The following GRM7 variants were observed in gnomAD, a reference collection of about 807,000 sequenced individuals.
GRM7 encodes glutamate metabotropic receptor 7.
A neutral mutation model predicts 84.5 loss-of-function variants in GRM7; 35 were observed. The observed-to-expected ratio is 0.41, with a 90% CI of 0.32 to 0.55. The LOEUF (loss-of-function observed/expected upper bound fraction) is 0.55. Ranked by LOEUF, GRM7 falls within the 20% of genes least tolerant of loss-of-function variation. The probability of loss-of-function intolerance (pLI) is 0.19; values close to 1 mark genes in which losing one functional copy is unlikely to be tolerated. For synonymous variants in GRM7, 487 were observed against 455.1 expected (o/e 1.07, Z -0.89); for missense variants, 1,003 against 1,194.6 (o/e 0.84, Z 2.36).
intron 2 of GRM7, among the ~76,000 whole-genome samples, chr3:7,225,319 T>C (rs79862251): frequency 0.018 from 2,699 of 150,292 alleles, 90 homozygotes; most frequent in East Asian, 0.11. Context: ...CTCAGCAGCA[T>C]TGGGTTATAA....
intron 1 of GRM7, among the ~76,000 whole-genome samples, chr3:7,139,473 A>G (rs1693875905): frequency 6.6e-6 from 1 of 152,122 alleles, no homozygotes; most frequent in East Asian, 1.9e-4. Flanking sequence ...GATTTAAAAA[A>G]TGCCTAGGGG....
At chr3:7,605,060 T>C (rs1351244236) in intron 8 of GRM7, among the ~76,000 whole-genome samples, 2 of 152,190 alleles carry the variant, frequency 1.3e-5, no homozygotes, top group Non-Finnish European at 2.9e-5. Context: ...ACTGGACTTT[T>C]GGGTAGCAAT....
intron 8 of GRM7, among the ~76,000 whole-genome samples, chr3:7,597,507 C>T (rs752020876): frequency 9.8e-5 from 15 of 152,292 alleles, no homozygotes; most frequent in Non-Finnish European, 1.9e-4. Flanking sequence ...AGTTTGCTGA[C>T]CCCTGCAGTC....
At chr3:7,140,473 G>A (rs1693911836) in intron 1 of GRM7, among the ~76,000 whole-genome samples, 1 of 152,022 alleles carries the variant, frequency 6.6e-6, no homozygotes, top group African/African-American at 2.4e-5. Flanking sequence ...TGTGCTTAAA[G>A]TGAATTCCAG....
intron 7 of GRM7, among the ~76,000 whole-genome samples, chr3:7,505,793 C>A (rs1490059192): frequency 2.0e-5 from 3 of 152,194 alleles, no homozygotes; most frequent in Non-Finnish European, 4.4e-5. Context: ...AACCATTCTG[C>A]CTTCTTGGAG....
At position 7,446,521 on chromosome 3, in the gene GRM7, C is replaced by T. The variant is rs554001875; in HGVS notation, c.1175-6086C>T. Among the ~76,000 whole-genome samples the T allele has an allele frequency of 3.6e-5, 5 of 139,966 alleles. No individual in the cohort carries two copies. In the East Asian group the frequency reaches 6.4e-4, roughly 18 times the overall value. The allele number at this position is 139,966 out of a possible 152,430, so 91.8% of individuals were successfully genotyped here. ...TGTAGCCCAGGCTGAAGTGTAGTGG[C>T]GCGATCTCAGCTCACTGCAGCCTCT... On this transcript the variant is annotated intron_variant, in intron 5 of 9. Coordinates refer to ENST00000357716, the MANE Select transcript of GRM7 (RefSeq NM_000844.4).
chr3:7,168,001 A>G (rs1334968155), intron 2 of GRM7, among the ~76,000 whole-genome samples: 1 of 148,266 alleles, frequency 6.7e-6, no homozygotes, highest in Non-Finnish European at 1.5e-5. Flanking sequence ...AAAAAAAAAA[A>G]AAAAAAAAAT....
At chr3:7,728,857 C>T (rs1344961043) in intron 9 of GRM7, among the ~76,000 whole-genome samples, 1 of 152,190 alleles carries the variant, frequency 6.6e-6, no homozygotes, top group African/African-American at 2.4e-5. Flanking sequence ...TCTCTATTTG[C>T]TTGTTCGTTT....
chr3:7,159,327 C>G (rs1014414401), intron 2 of GRM7, among the ~76,000 whole-genome samples: 4 of 152,148 alleles, frequency 2.6e-5, no homozygotes, highest in Non-Finnish European at 1.5e-5. Flanking sequence ...TTACCTGGCT[C>G]AAGATCAATT....
intron 7 of GRM7, among the ~76,000 whole-genome samples, chr3:7,550,717 G>T (rs1693427630): frequency 6.6e-6 from 1 of 151,262 alleles, no homozygotes; most frequent in Non-Finnish European, 1.5e-5. Context: ...TGCTTTTTCT[G>T]AAATGCCCTG....
chr3:7,378,345 G>T (rs762960774), intron 4 of GRM7, among the ~76,000 whole-genome samples: 11 of 152,174 alleles, frequency 7.2e-5, no homozygotes, highest in Non-Finnish European at 1.5e-4. Context: ...AAGATATTTT[G>T]TGTCTAGAAT....
At chr3:7,302,655 TTAAA>T (rs1436559370) in intron 3 of GRM7, among the ~76,000 whole-genome samples, 17 of 152,270 alleles carry the variant, frequency 1.1e-4, no homozygotes, top group Admixed American at 3.3e-4. Context: ...TTTGTGAAAA[TTAAA>T]TAATCTTTTA....
At chr3:7,547,407 T>C (rs979784611) in intron 7 of GRM7, among the ~76,000 whole-genome samples, 3 of 151,736 alleles carry the variant, frequency 2.0e-5, no homozygotes, top group Non-Finnish European at 2.9e-5. Flanking sequence ...GGGGTTTCAC[T>C]GTGTTAGCCA....
At chr3:7,426,302 A>T (rs1696609497) in intron 5 of GRM7, among the ~76,000 whole-genome samples, 1 of 151,996 alleles carries the variant, frequency 6.6e-6, no homozygotes. Flanking sequence ...TATTTTTAGT[A>T]GAGACAGGGT....
chr3:7,274,182 C>A (rs749287521), intron 2 of GRM7, among the ~76,000 whole-genome samples: 61 of 151,950 alleles, frequency 4.0e-4, no homozygotes, highest in Non-Finnish European at 6.8e-4. Context: ...CTAATTCCTT[C>A]TTCTAGTCCC....
intron 1 of GRM7, among the ~76,000 whole-genome samples, chr3:7,031,223 G>C (rs1479563182): frequency 1.3e-5 from 2 of 151,742 alleles, no homozygotes; most frequent in Non-Finnish European, 2.9e-5. Flanking sequence ...TATGTTTGCT[G>C]TCTTTTGCTA....
At chr3:7,161,780 C>A (rs552180245) in intron 2 of GRM7, among the ~76,000 whole-genome samples, 49 of 152,218 alleles carry the variant, frequency 3.2e-4, no homozygotes, top group African/African-American at 1.1e-3. Context: ...ACAAAATAGA[C>A]CTTGCCTGTG....
intron 2 of GRM7, among the ~76,000 whole-genome samples, chr3:7,260,471 G>C (rs1161761741): frequency 6.6e-6 from 1 of 152,076 alleles, no homozygotes; most frequent in East Asian, 1.9e-4. Context: ...TTTCTTCTAA[G>C]TTTTCTAGTT....
intron 7 of GRM7, among the ~76,000 whole-genome samples, chr3:7,525,357 T>C (rs1212181863): frequency 6.6e-6 from 1 of 152,098 alleles, no homozygotes; most frequent in Admixed American, 6.6e-5. Flanking sequence ...GTGAACTGAA[T>C]CCAAATCTTT....
Sources: gnomAD v4.1 joint callset for allele counts (sites outside exome capture counted in the v4.1 genomes callset) on GRCh38, gnomAD v4.1.1 for gene constraint, MANE v1.5 for transcripts, NCBI Gene and HGNC (gene_info 2026-07-23, HGNC 2026-07-21) for gene names.